The following CUX2 variants were observed in gnomAD, a reference collection of about 807,000 sequenced individuals.
CUX2 encodes the protein cut like homeobox 2, also known as homeobox protein cut-like 2.
CUX2 carries 40 observed loss-of-function variants against 144.8 expected under a neutral mutation model. That is an observed-to-expected ratio of 0.28 (90% CI 0.21 to 0.36). The LOEUF (loss-of-function observed/expected upper bound fraction) is 0.36. CUX2 is among the 10% of genes least tolerant of loss of function. CUX2 has a pLI of 1.00. For synonymous variants in CUX2, 827 were observed against 875.6 expected (o/e 0.94, Z 0.98); for missense variants, 1,615 against 1,994.0 (o/e 0.81, Z 3.62).
intron 1 of CUX2, among the ~76,000 whole-genome samples, chr12:111,126,829 G>A (rs4766536): frequency 0.088 from 13,422 of 152,154 alleles, 813 homozygotes; most frequent in African/African-American, 0.17. Flanking sequence ...ATCTCCTTAA[G>A]CCATGTTTAA....
At chr12:111,203,155 C>T (rs2136211585) in intron 1 of CUX2, among the ~76,000 whole-genome samples, 1 of 150,870 alleles carries the variant, frequency 6.6e-6, no homozygotes, top group East Asian at 2.0e-4. Flanking sequence ...TCACTTGAAC[C>T]CAGGAGGCGG....
intron 14 of CUX2, among the ~76,000 whole-genome samples, chr12:111,309,602 C>G (rs1381408222): frequency 2.0e-5 from 3 of 148,348 alleles, no homozygotes; most frequent in Non-Finnish European, 4.5e-5. Flanking sequence ...CAACCCCTTC[C>G]CTCCTCCTCC....
At chr12:111,130,344 G>C (rs556179701) in intron 1 of CUX2, among the ~76,000 whole-genome samples, 1 of 152,274 alleles carries the variant, frequency 6.6e-6, no homozygotes, top group Admixed American at 6.5e-5. Flanking sequence ...AATTTAGTAG[G>C]TTTCCTCTCC....
chr12:111,199,161 G>A (rs1880420170), intron 1 of CUX2, among the ~76,000 whole-genome samples: 1 of 152,140 alleles, frequency 6.6e-6, no homozygotes, highest in Non-Finnish European at 1.5e-5. Context: ...CTGGACGTTG[G>A]CGGGATTGAA....
intron 1 of CUX2, among the ~76,000 whole-genome samples, chr12:111,203,105 G>A (rs150103427): frequency 0.013 from 1,998 of 151,982 alleles, 49 homozygotes; most frequent in African/African-American, 0.046. Flanking sequence ...GGTGGCACAC[G>A]CCTGTAATCC....
At chr12:111,098,149 C>T (rs1037987391) in intron 1 of CUX2, among the ~76,000 whole-genome samples, 1 of 152,080 alleles carries the variant, frequency 6.6e-6, no homozygotes, top group African/African-American at 2.4e-5. Flanking sequence ...GCCTGTAATA[C>T]CACCACTTGG....
At chr12:111,090,816 C>G (rs764831537) in intron 1 of CUX2, among the ~76,000 whole-genome samples, 22 of 152,078 alleles carry the variant, frequency 1.4e-4, no homozygotes, top group Admixed American at 2.6e-4. Context: ...GATGCTACTT[C>G]TCACTCTCTC....
intron 1 of CUX2, among the ~76,000 whole-genome samples, chr12:111,040,109 A>G (rs188675813): frequency 1.2e-3 from 178 of 151,938 alleles, no homozygotes; most frequent in African/African-American, 4.2e-3. Context: ...CAACATAGTG[A>G]TACCCCTTCT....
intron 1 of CUX2, among the ~76,000 whole-genome samples, chr12:111,206,626 G>A (rs1056837066): frequency 3.3e-5 from 5 of 152,224 alleles, no homozygotes; most frequent in Non-Finnish European, 7.3e-5. Context: ...CTGTACACCA[G>A]TACCTAGCAC....
intron 1 of CUX2, among the ~76,000 whole-genome samples, chr12:111,151,164 T>C (rs1049685413): frequency 1.7e-4 from 26 of 152,254 alleles, no homozygotes; most frequent in African/African-American, 6.0e-4. Flanking sequence ...AATTGGCTAA[T>C]GCAGAATACT....
intron 3 of CUX2, among the ~76,000 whole-genome samples, chr12:111,251,285 G>C (rs147772529): frequency 1.3e-5 from 2 of 152,108 alleles, no homozygotes; most frequent in African/African-American, 4.8e-5. Flanking sequence ...GCAGTCTTAC[G>C]TGGAGGCCTG....
chr12:111,323,307 C>T (rs1348255358), intron 18 of CUX2, among the ~76,000 whole-genome samples: 4 of 152,178 alleles, frequency 2.6e-5, no homozygotes, highest in Admixed American at 2.6e-4. Flanking sequence ...TAGGACAAAA[C>T]CATATCTCAG....
At chr12:111,265,405 G>A (rs1057427425) in intron 4 of CUX2, among the ~76,000 whole-genome samples, 6 of 151,196 alleles carry the variant, frequency 4.0e-5, no homozygotes, top group African/African-American at 7.3e-5. Flanking sequence ...GCAGTAGCGC[G>A]ATCTCAGCTC....
intron 3 of CUX2, among the ~76,000 whole-genome samples, chr12:111,244,870 G>A (rs1218021566): frequency 2.0e-5 from 3 of 152,174 alleles, no homozygotes; most frequent in Admixed American, 6.5e-5. Context: ...GCTGTGCAAG[G>A]TAATTAAATT....
At chr12:111,067,536 TGTATTTGG>T (rs1358884306) in intron 1 of CUX2, among the ~76,000 whole-genome samples, 2 of 152,226 alleles carry the variant, frequency 1.3e-5, no homozygotes, top group Non-Finnish European at 2.9e-5. Flanking sequence ...TTTTTATTTG[TGTATTTGG>T]TTGTTTAAGC....
At position 111,322,726 on chromosome 12, in the gene CUX2, C is replaced by G; in HGVS notation, c.2926+146C>G. ...CATCCCAGTCACTGTCATGGCTGCA[C>G]TGGAACATGGCGGGGGGTCCTGGGG... On this transcript the variant is annotated intron_variant, in intron 18 of 21. Coordinates refer to ENST00000261726, the MANE Select transcript of CUX2 (RefSeq NM_015267.4). The surrounding 1 kb of genome is among the most constrained non-coding windows in gnomAD (Gnocchi z 4.2). 2 of 1,072,082 alleles carry G rather than the reference C, an allele frequency of 1.9e-6. No homozygotes were observed. The highest frequency in any genetic ancestry group is 2.7e-6 in the Non-Finnish European group (2 of 750,406). The allele number at this position is 1,072,082 out of a possible 1,614,324, so 66.4% of individuals were successfully genotyped here. A position where few individuals can be genotyped will look rare whatever the true frequency, so the allele number is the denominator to read the frequency against.
At chr12:111,314,652 A>C (rs1183631551) in intron 16 of CUX2, among the ~76,000 whole-genome samples, 4 of 133,128 alleles carry the variant, frequency 3.0e-5, no homozygotes, top group East Asian at 6.2e-4. Flanking sequence ...AAAAAAAAAA[A>C]AAAAAAAAAA....
At chr12:111,209,365 G>C (rs1024567750) in intron 1 of CUX2, among the ~76,000 whole-genome samples, 6 of 152,138 alleles carry the variant, frequency 3.9e-5, no homozygotes, top group Non-Finnish European at 8.8e-5. Flanking sequence ...TTGCAGTCCA[G>C]CCTGGGTGAC....
chr12:111,338,199 T>A (rs1169948865), intron 19 of CUX2, 87 bp from the exon 20 acceptor site: 53 of 1,379,936 alleles, frequency 3.8e-5, no homozygotes, highest in Non-Finnish European at 4.8e-5. Context: ...CTCTCCCCTG[T>A]GTCTCTGGCC....
Sources: allele counts gnomAD v4.1 joint callset (sites outside exome capture counted in the v4.1 genomes callset), GRCh38; gene constraint gnomAD v4.1.1; non-coding constraint Gnocchi (gnomAD v3.1); transcripts MANE v1.5; gene names NCBI Gene and HGNC (gene_info 2026-07-23, HGNC 2026-07-21).